The following GABRA1 variants were observed in gnomAD, a reference collection of about 807,000 sequenced individuals.
GABRA1 encodes the protein gamma-aminobutyric acid type A receptor subunit alpha1, also known as gamma-aminobutyric acid receptor subunit alpha-1.
In GABRA1, 9 loss-of-function variants were observed where a neutral mutation model predicts 48.9. The observed-to-expected ratio is 0.18, with a 90% CI of 0.11 to 0.32. The LOEUF is 0.32. Among genes scored for constraint, GABRA1 ranks in the 10% least tolerant of loss-of-function variants. GABRA1 has a pLI of 1.00. For synonymous variants in GABRA1, 210 were observed against 198.7 expected (o/e 1.06, Z -0.48); for missense variants, 285 against 553.8 (o/e 0.51, Z 4.87).
chr5:161,885,500 T>C (rs546406278), intron 7 of GABRA1, among the ~76,000 whole-genome samples: 3 of 152,256 alleles, frequency 2.0e-5, no homozygotes, highest in African/African-American at 7.2e-5. Context: ...CTTGGTAGTT[T>C]AGAAAGTGCT....
intron 4 of GABRA1, among the ~76,000 whole-genome samples, chr5:161,870,946 C>CTGTGTGTGTGTGTGTG (rs59726286): frequency 7.1e-6 from 1 of 141,412 alleles, no homozygotes; most frequent in African/African-American, 2.7e-5. Context: ...GAGTGTTGCT[C>CTGTGTGTGTGTGTGTG]TGTGTGTGTG....
chr5:161,868,391 AGAAAAGGACT>A (rs1253691301), intron 4 of GABRA1, among the ~76,000 whole-genome samples: 2 of 150,198 alleles, frequency 1.3e-5, no homozygotes, highest in Non-Finnish European at 3.0e-5. Flanking sequence ...AAAAGACAAG[AGAAAAGGACT>A]GAAATAGGTA....
At chr5:161,893,836 A>T (rs1037049240) in intron 8 of GABRA1, among the ~76,000 whole-genome samples, 1 of 152,184 alleles carries the variant, frequency 6.6e-6, no homozygotes, top group Non-Finnish European at 1.5e-5. Context: ...AAAAATATAC[A>T]TTGTCAGGTT....
chr5:161,870,884 T>A (rs1196609592), intron 4 of GABRA1, among the ~76,000 whole-genome samples: 1 of 152,086 alleles, frequency 6.6e-6, no homozygotes, highest in Non-Finnish European at 1.5e-5. Flanking sequence ...TTTATTTCAT[T>A]TTGTATTTCA....
rs1755390305 is a variant in GABRA1 at position 161,896,844 on chromosome 5, A to G, written c.1060-267A>G. On this transcript the variant is annotated intron_variant, in intron 9 of 9. Coordinates refer to ENST00000393943, the MANE Select transcript of GABRA1 (RefSeq NM_001127644.2). ...AACTGTGTTTATCCCATAGTTAAACAAATGCATTAGATAAGAAAATCCTCT... is the reference window on the plus strand; with the variant it reads ...AACTGTGTTTATCCCATAGTTAAACGAATGCATTAGATAAGAAAATCCTCT... Among the ~76,000 whole-genome samples the G allele has an allele frequency of 2.6e-5, 4 of 152,238 alleles. No individual in the cohort carries two copies. In the South Asian group the frequency reaches 8.3e-4, roughly 32 times the overall value.
intron 8 of GABRA1, among the ~76,000 whole-genome samples, chr5:161,892,372 T>C (rs1755132476): frequency 1.3e-5 from 2 of 152,186 alleles, no homozygotes; most frequent in Admixed American, 1.3e-4. Context: ...AAAAATCAGT[T>C]ATCTCAGAAA....
intron 5 of GABRA1, 25 bp from the exon 6 acceptor site, chr5:161,875,535 G>A (rs764106229): frequency 3.2e-6 from 5 of 1,586,704 alleles, no homozygotes; most frequent in Non-Finnish European, 3.5e-6. Flanking sequence ...TATGGCTCTT[G>A]TTTGTATTCT....
chr5:161,867,833 C>T (rs965573311), intron 4 of GABRA1, among the ~76,000 whole-genome samples: 28 of 152,036 alleles, frequency 1.8e-4, no homozygotes, highest in African/African-American at 6.3e-4. Flanking sequence ...CATGTATTGA[C>T]TATAAAATAC....
chr5:161,848,866 C>T (rs1325603926), intron 1 of GABRA1: 1 of 416,322 alleles, frequency 2.4e-6, no homozygotes. Context: ...GGACGGAAAA[C>T]CTGTCTCACT....
At chr5:161,885,657 A>G (rs1228307739) in intron 7 of GABRA1, among the ~76,000 whole-genome samples, 1 of 152,186 alleles carries the variant, frequency 6.6e-6, no homozygotes, top group African/African-American at 2.4e-5. Flanking sequence ...AGTTCAGTAC[A>G]CATACATTAG....
At chr5:161,849,228 C>T (rs1757343974) in intron 1 of GABRA1, among the ~76,000 whole-genome samples, 1 of 152,126 alleles carries the variant, frequency 6.6e-6, no homozygotes, top group Non-Finnish European at 1.5e-5. Context: ...GGTGCCTTGT[C>T]AAATGGTTTT....
chr5:161,848,929 T>C (rs912481934), intron 1 of GABRA1: 3 of 454,398 alleles, frequency 6.6e-6, no homozygotes, highest in African/African-American at 4.0e-5. Flanking sequence ...AAATTGCCTG[T>C]TTTTCCCTTT....
chr5:161,890,815 C>A, intron 7 of GABRA1, 83 bp from the exon 8 acceptor site: 3 of 1,257,444 alleles, frequency 2.4e-6, no homozygotes, highest in East Asian at 2.3e-5. Flanking sequence ...AATTCCCAGA[C>A]CTTTGGTACT....
chr5:161,871,550 C>A (rs1193384966), intron 4 of GABRA1, among the ~76,000 whole-genome samples: 2 of 152,198 alleles, frequency 1.3e-5, no homozygotes, highest in Non-Finnish European at 2.9e-5. Flanking sequence ...CTGATATCAT[C>A]CACAGTCTCC....
intron 4 of GABRA1, among the ~76,000 whole-genome samples, chr5:161,870,335 G>A (rs1262738275): frequency 1.3e-5 from 2 of 152,062 alleles, no homozygotes; most frequent in East Asian, 3.9e-4. Flanking sequence ...GCCGAGGCGG[G>A]CGGATCACCT....
chr5:161,890,567 C>A (rs2113445083), intron 7 of GABRA1, among the ~76,000 whole-genome samples: 1 of 152,162 alleles, frequency 6.6e-6, no homozygotes, highest in African/African-American at 2.4e-5. Flanking sequence ...CAGGGTTTAG[C>A]ATATTGCCTT....
chr5:161,878,603 C>T (rs1015483945), intron 6 of GABRA1, among the ~76,000 whole-genome samples: 2 of 152,184 alleles, frequency 1.3e-5, no homozygotes, highest in South Asian at 2.1e-4. Flanking sequence ...TCTTTCTTAC[C>T]GTTCTCTATT....
intron 4 of GABRA1, among the ~76,000 whole-genome samples, chr5:161,872,019 A>C (rs1409188642): frequency 6.6e-6 from 1 of 152,192 alleles, no homozygotes; most frequent in African/African-American, 2.4e-5. Context: ...AAACACATAC[A>C]TTTTATTTTG....
rs530831813 is a variant in GABRA1 at position 161,849,466 on chromosome 5, A to G, written c.-16+1044A>G. Among the ~76,000 whole-genome samples the G allele has an allele frequency of 2.0e-5, 3 of 152,342 alleles. No homozygotes were observed. The East Asian group carries it at 5.8e-4, about 29-fold the overall frequency. ...AAACCAGTCACTAAATTACTAAATTAAGGAAAAGCTATGACGAGGCTCAGA... is the reference window on the plus strand; with the variant it reads ...AAACCAGTCACTAAATTACTAAATTGAGGAAAAGCTATGACGAGGCTCAGA... On this transcript the variant is annotated intron_variant, in intron 1 of 9. Transcript: ENST00000393943.
Sources: allele counts gnomAD v4.1 joint callset (sites outside exome capture counted in the v4.1 genomes callset), GRCh38; gene constraint gnomAD v4.1.1; transcripts MANE v1.5; gene names NCBI Gene and HGNC (gene_info 2026-07-23, HGNC 2026-07-21).